CLMP: variants seen among roughly 807,000 people sequenced by gnomAD.
CLMP encodes the protein CXADR-like membrane protein.
A neutral mutation model predicts 45.2 loss-of-function variants in CLMP; 27 were observed. The observed-to-expected ratio is 0.60, with a 90% CI of 0.44 to 0.82. The LOEUF (loss-of-function observed/expected upper bound fraction) is 0.82, where lower values mean the gene tolerates loss of function less well. Among genes scored for constraint, CLMP ranks in the 40% least tolerant of loss-of-function variants. CLMP has a pLI of 0.00. For synonymous variants in CLMP, 167 were observed against 171.4 expected (o/e 0.97, Z 0.20); for missense variants, 403 against 448.4 (o/e 0.90, Z 0.91).
intron 1 of CLMP, among the ~76,000 whole-genome samples, chr11:123,120,763 A>G (rs1477654986): frequency 6.6e-6 from 1 of 152,078 alleles, no homozygotes; most frequent in Non-Finnish European, 1.5e-5. Context: ...GGTTCCTTGC[A>G]TAGTCTTTGT....
rs541137270 is a variant in CLMP at position 123,155,472 on chromosome 11, C to T, written c.28+39441G>A. On this transcript the variant is annotated intron_variant, in intron 1 of 6. Coordinates refer to ENST00000448775, the MANE Select transcript of CLMP (RefSeq NM_024769.5). ...ATTGCTAGTTGCGACACAGTAAATT[C>T]GTTCTCTCATTTGGTACTTACGCCC... 5.3e-5 allele frequency among the ~76,000 whole-genome samples: 8 copies of T among 151,816 alleles called. No individual in the cohort carries two copies. The East Asian group carries it at 5.8e-4, about 11-fold the overall frequency.
rs376314634 is a variant in CLMP, at chr11:123,073,459, C to A, written c.*15G>T. The stretch of plus-strand genomic sequence containing the variant: ...CTGACTCCTAGGAAAGCGTGGGAGT[C>A]AAGTCCATTGTAATTCAGACCGTTT... On this transcript the variant is annotated 3_prime_UTR_variant, in exon 7 of 7. Coordinates refer to ENST00000448775, the MANE Select transcript of CLMP (RefSeq NM_024769.5). 1.9e-6 allele frequency: 3 copies of A among 1,592,330 alleles called. No individual in the cohort carries two copies.
At chr11:123,085,739 C>G (rs1865857752) in intron 2 of CLMP, among the ~76,000 whole-genome samples, 1 of 151,196 alleles carries the variant, frequency 6.6e-6, no homozygotes, top group African/African-American at 2.4e-5. Flanking sequence ...TTCCTTTGCC[C>G]TATTTCACTA....
At chr11:123,077,062 G>A (rs182104536) in intron 5 of CLMP, among the ~76,000 whole-genome samples, 1,579 of 142,740 alleles carry the variant, frequency 0.011, 25 homozygotes, top group African/African-American at 0.036. Context: ...GCAATGGCGC[G>A]ATCTCAGCTC....
intron 1 of CLMP, among the ~76,000 whole-genome samples, chr11:123,123,361 G>A (rs1471121540): frequency 3.4e-5 from 5 of 147,630 alleles, no homozygotes; most frequent in Non-Finnish European, 5.9e-5. Context: ...CCGGGTTCAA[G>A]CCATTCTCGT....
chr11:123,090,420 CAA>C (rs959561991), intron 2 of CLMP, among the ~76,000 whole-genome samples: 1 of 141,634 alleles, frequency 7.1e-6, no homozygotes, highest in Non-Finnish European at 1.5e-5. Context: ...GACTCTGTCT[CAA>C]AAAAAAAAAG....
At chr11:123,075,033 G>A (rs574710165) in intron 5 of CLMP, among the ~76,000 whole-genome samples, 190 bp from the exon 6 acceptor site, 74 of 151,006 alleles carry the variant, frequency 4.9e-4, no homozygotes, top group African/African-American at 1.3e-3. Flanking sequence ...TCGGCTCATC[G>A]CAACCTCCAC....
chr11:123,137,507 A>G (rs1425755146), intron 1 of CLMP, among the ~76,000 whole-genome samples: 6 of 152,066 alleles, frequency 3.9e-5, no homozygotes, highest in African/African-American at 9.7e-5. Flanking sequence ...CAGTTTCACC[A>G]GAGGCCGAGC....
At chr11:123,175,844 C>G (rs1861691252) in intron 1 of CLMP, among the ~76,000 whole-genome samples, 1 of 152,166 alleles carries the variant, frequency 6.6e-6, no homozygotes, top group African/African-American at 2.4e-5. Flanking sequence ...ACATCCTGGC[C>G]TTTGCATCAG....
chr11:123,163,284 A>T (rs1861511328), intron 1 of CLMP, among the ~76,000 whole-genome samples: 1 of 152,184 alleles, frequency 6.6e-6, no homozygotes, highest in Non-Finnish European at 1.5e-5. Context: ...GGAGTGACTG[A>T]AGGTGTTTCA....
At chr11:123,075,707 A>G (rs1363317201) in intron 5 of CLMP, among the ~76,000 whole-genome samples, 3 of 152,080 alleles carry the variant, frequency 2.0e-5, no homozygotes, top group Non-Finnish European at 2.9e-5. Flanking sequence ...GTTTTAGTGA[A>G]TAAGTCTGGG....
At position 123,083,111 on chromosome 11, in the gene CLMP, C is replaced by T. The variant is rs998794107; in HGVS notation, c.653G>A (p.Ser218Asn). 1.9e-6 allele frequency: 3 copies of T among 1,614,208 alleles called. No homozygotes were observed. In the African/African-American group the frequency reaches 4.0e-5, roughly 22 times the overall value. ...CTGTACAGTTACTCGCACCACACAG[C>T]TTTCCTTCCCAGCTTCGTTGCCTGC... Reference protein sequence around the residue: ...CTAGNEAGKESCVVRVTVQYV... With the variant: ...CTAGNEAGKENCVVRVTVQYV... The change falls in exon 5 of 7, where the codon AGC (serine) becomes AAC (asparagine). Residue 218 changes from serine (S) to asparagine (N), a missense_variant. Physicochemically the swap from Ser to Asn is conservative, Grantham distance 46 (BLOSUM62 1). Coordinates refer to ENST00000448775, the MANE Select transcript of CLMP (RefSeq NM_024769.5).
intron 2 of CLMP, among the ~76,000 whole-genome samples, chr11:123,090,207 A>T (rs1200548069): frequency 6.6e-6 from 1 of 151,210 alleles, no homozygotes; most frequent in Non-Finnish European, 1.5e-5. Flanking sequence ...GCACTTTGGG[A>T]GGCCAAGGTG....
intron 2 of CLMP, among the ~76,000 whole-genome samples, chr11:123,092,334 G>C (rs1865940780): frequency 6.7e-6 from 1 of 149,708 alleles, no homozygotes; most frequent in Admixed American, 6.7e-5. Context: ...GCCTAGCTCT[G>C]TCGCCCAGGT....
rs113928251 is a variant in CLMP at position 123,188,402 on chromosome 11, G to A, written c.28+6511C>T. 5.8e-4 allele frequency among the ~76,000 whole-genome samples: 87 copies of A among 151,234 alleles called. 1 individual carries two copies. The highest frequency in any genetic ancestry group is 2.3e-3 in the South Asian group (11 of 4,768). ...GGCTTTTTCATCCCCTACAGTCTCTGTGCCTTCCTCCTCCTCTTCCTCCTC... is the reference window on the plus strand; with the variant it reads ...GGCTTTTTCATCCCCTACAGTCTCTATGCCTTCCTCCTCCTCTTCCTCCTC... On this transcript the variant is annotated intron_variant, in intron 1 of 6. Coordinates refer to ENST00000448775, the MANE Select transcript of CLMP (RefSeq NM_024769.5).
At chr11:123,120,848 C>CG (rs1471591438) in intron 1 of CLMP, among the ~76,000 whole-genome samples, 1 of 151,854 alleles carries the variant, frequency 6.6e-6, no homozygotes, top group Non-Finnish European at 1.5e-5. Context: ...TGTTTGGGGC[C>CG]GGGCGCGGTG....
intron 5 of CLMP, among the ~76,000 whole-genome samples, chr11:123,076,613 C>T (rs1475217326): frequency 6.6e-6 from 1 of 152,024 alleles, no homozygotes; most frequent in Non-Finnish European, 1.5e-5. Flanking sequence ...AGGAACAGAG[C>T]ATTCCAGGCA....
chr11:123,157,284 G>C (rs974911777), intron 1 of CLMP, among the ~76,000 whole-genome samples: 3 of 152,172 alleles, frequency 2.0e-5, no homozygotes, highest in Non-Finnish European at 4.4e-5. Flanking sequence ...GCGTGGCGTG[G>C]TGGCTTATGC....
At chr11:123,194,819 G>A in intron 1 of CLMP, 94 bp downstream of exon 1, 1 of 1,500,274 alleles carries the variant, frequency 6.7e-7, no homozygotes, top group Non-Finnish European at 9.2e-7. Flanking sequence ...TCCAGGGGCT[G>A]CAGGGACACC....
Sources: gnomAD v4.1 joint callset for allele counts (sites outside exome capture counted in the v4.1 genomes callset) on GRCh38, gnomAD v4.1.1 for gene constraint, MANE v1.5 for transcripts, NCBI Gene and HGNC (gene_info 2026-07-23, HGNC 2026-07-21) for gene names.